PITPNB: variants seen among roughly 807,000 people sequenced by gnomAD.
The protein encoded by PITPNB is phosphatidylinositol transfer protein beta.
PITPNB carries 16 observed loss-of-function variants against 45.9 expected under a neutral mutation model. The observed-to-expected ratio is 0.35, with a 90% CI of 0.24 to 0.53. The LOEUF (loss-of-function observed/expected upper bound fraction) is 0.53. PITPNB is among the 20% of genes least tolerant of loss of function. The probability of loss-of-function intolerance (pLI) is 0.93; values close to 1 mark genes in which losing one functional copy is unlikely to be tolerated. For synonymous variants in PITPNB, 112 were observed against 108.9 expected (o/e 1.03, Z -0.18); for missense variants, 188 against 330.5 (o/e 0.57, Z 3.34).
intron 7 of PITPNB, 88 bp from the exon 8 acceptor site, chr22:27,873,903 A>G (rs1934742861): frequency 1.2e-6 from 1 of 819,546 alleles, no homozygotes; most frequent in African/African-American, 1.7e-5. Flanking sequence ...AGCTACCAAA[A>G]CACAGGACAG....
chr22:27,896,949 A>G, intron 5 of PITPNB, 181 bp downstream of exon 5: 1 of 645,604 alleles, frequency 1.5e-6, no homozygotes, highest in East Asian at 2.6e-5. Context: ...ATTTTGAGAC[A>G]AGGGTGGAAA....
chr22:27,878,098 AATC>A (rs374157452), intron 7 of PITPNB, among the ~76,000 whole-genome samples: 2 of 152,370 alleles, frequency 1.3e-5, no homozygotes, highest in East Asian at 3.9e-4. Context: ...GCTCAAAGAT[AATC>A]ATTAAGTTTT....
At chr22:27,862,143 T>TACCAGCTTCAACTC (rs1293216111) in intron 8 of PITPNB, among the ~76,000 whole-genome samples, 1 of 152,080 alleles carries the variant, frequency 6.6e-6, no homozygotes, top group Non-Finnish European at 1.5e-5. Context: ...AGCTTCAACT[T>TACCAGCTTCAACTC]ACCAGCTTCA....
intron 3 of PITPNB, among the ~76,000 whole-genome samples, chr22:27,908,901 C>T (rs1490649498): frequency 2.0e-5 from 3 of 151,600 alleles, no homozygotes; most frequent in Non-Finnish European, 2.9e-5. Context: ...GTATTCTAAG[C>T]GAAAATAATG....
chr22:27,855,298 C>T (rs1934139569), intron 10 of PITPNB, among the ~76,000 whole-genome samples: 2 of 152,202 alleles, frequency 1.3e-5, no homozygotes, highest in Non-Finnish European at 1.5e-5. Context: ...ACAAGCAAGC[C>T]ATGAGGGTGT....
At chr22:27,854,553 T>TA (rs1934118056) in intron 11 of PITPNB, among the ~76,000 whole-genome samples, 1 of 152,174 alleles carries the variant, frequency 6.6e-6, no homozygotes, top group South Asian at 2.1e-4. Context: ...ATTAACTCAG[T>TA]ATTGAAAAAT....
chr22:27,912,779 C>T (rs1035207556), intron 2 of PITPNB, among the ~76,000 whole-genome samples: 9 of 151,858 alleles, frequency 5.9e-5, no homozygotes, highest in African/African-American at 1.7e-4. Context: ...GTCAGGAGTT[C>T]GAGACCAGCC....
chr22:27,901,901 T>C (rs1935605481), intron 3 of PITPNB, among the ~76,000 whole-genome samples: 1 of 151,466 alleles, frequency 6.6e-6, no homozygotes, highest in Non-Finnish European at 1.5e-5. Flanking sequence ...TAATAATAAA[T>C]ATATATATAC....
chr22:27,879,749 G>A (rs887890430), intron 7 of PITPNB, among the ~76,000 whole-genome samples: 1 of 151,950 alleles, frequency 6.6e-6, no homozygotes, highest in Non-Finnish European at 1.5e-5. Flanking sequence ...TTTACAAAAA[G>A]GCATGTTTCC....
intron 1 of PITPNB, among the ~76,000 whole-genome samples, chr22:27,918,933 G>C (rs1936180948): frequency 6.6e-6 from 1 of 151,962 alleles, no homozygotes; most frequent in Non-Finnish European, 1.5e-5. Flanking sequence ...CGCTCGGGCC[G>C]GGACCCAGCC....
In PITPNB at chr22:27,854,892, C is replaced by G; in HGVS notation, c.816G>C (p.Ter272TyrextTer5). Reference protein sequence around the residue: ...SVRGTSAADV* With the variant: ...SVRGTSAADVY ...GTCTCTGACCCTACAGGGGACTCAT[C>G]TAGACATCAGCAGCCGACGTGCCTC... Residue 272 changes from the stop codon to tyrosine, a stop_lost, in exon 11 of 12, where the codon TAG becomes TAC. Transcript: ENST00000335272. 2 of 1,613,798 alleles carry G rather than the reference C, an allele frequency of 1.2e-6. No homozygotes were observed. The highest frequency in any genetic ancestry group is 1.7e-6 in the Non-Finnish European group (2 of 1,179,684).
intron 7 of PITPNB, among the ~76,000 whole-genome samples, chr22:27,881,432 T>C (rs988232623): frequency 6.6e-6 from 1 of 152,208 alleles, no homozygotes; most frequent in Non-Finnish European, 1.5e-5. Flanking sequence ...ACCCTAGTGA[T>C]AAGTAACACA....
At chr22:27,895,078 C>A (rs1437533078) in intron 6 of PITPNB, among the ~76,000 whole-genome samples, 1 of 152,114 alleles carries the variant, frequency 6.6e-6, no homozygotes, top group Non-Finnish European at 1.5e-5. Context: ...ATTTGATTAT[C>A]CTAAAGCTAT....
intron 7 of PITPNB, 46 bp from the exon 8 acceptor site, chr22:27,873,861 T>C (rs376449965): frequency 2.3e-6 from 3 of 1,294,406 alleles, no homozygotes; most frequent in African/African-American, 2.9e-5. Flanking sequence ...AACCAGAGAA[T>C]ATTCTTTAAC....
At chr22:27,889,485 G>A (rs1049824511) in intron 7 of PITPNB, among the ~76,000 whole-genome samples, 1 of 152,174 alleles carries the variant, frequency 6.6e-6, no homozygotes, top group Non-Finnish European at 1.5e-5. Context: ...AACGTATAAT[G>A]TGTCAGAGCA....
intron 3 of PITPNB, among the ~76,000 whole-genome samples, chr22:27,899,598 C>T (rs1430828770): frequency 6.6e-6 from 1 of 152,154 alleles, no homozygotes; most frequent in East Asian, 1.9e-4. Context: ...GCTGGTATTA[C>T]AGGCGTGAGC....
intron 10 of PITPNB, among the ~76,000 whole-genome samples, chr22:27,856,258 A>G (rs1269790839): frequency 2.0e-5 from 3 of 152,214 alleles, no homozygotes; most frequent in Non-Finnish European, 4.4e-5. Context: ...ATGTGGGTAT[A>G]AGAATGGTGA....
At chr22:27,916,781 C>A (rs1225672694) in intron 1 of PITPNB, among the ~76,000 whole-genome samples, 3 of 151,278 alleles carry the variant, frequency 2.0e-5, no homozygotes, top group African/African-American at 7.3e-5. Flanking sequence ...CCAGCCTGGG[C>A]AACAGAGACT....
chr22:27,890,845 G>T (rs7286067), intron 7 of PITPNB, among the ~76,000 whole-genome samples: 1 of 152,064 alleles, frequency 6.6e-6, no homozygotes, highest in African/African-American at 2.4e-5. Context: ...ACAGATGAAT[G>T]CATGAACAAA....
Sources: allele counts gnomAD v4.1 joint callset (sites outside exome capture counted in the v4.1 genomes callset), GRCh38; gene constraint gnomAD v4.1.1; transcripts MANE v1.5; gene names NCBI Gene and HGNC (gene_info 2026-07-23, HGNC 2026-07-21).